The following PEPD variants were observed in gnomAD, a reference collection of about 807,000 sequenced individuals.
PEPD encodes the protein peptidase D.
Under a neutral mutation model 60.7 loss-of-function variants are expected in PEPD, and 53 were observed. The ratio of observed to expected loss-of-function variants is 0.87; its 90% CI spans 0.70 to 1.10. PEPD has a LOEUF of 1.10. Ranked by LOEUF, PEPD falls within the 50% of genes least tolerant of loss-of-function variation. The pLI, the probability that PEPD is intolerant of heterozygous loss-of-function variation, is 0.00. For synonymous variants in PEPD, 267 were observed against 284.1 expected, an observed-to-expected ratio of 0.94 and a Z score of 0.60; for missense variants, 711 against 711.9, an observed-to-expected ratio of 1.00 and a Z score of 0.01.
At chr19:33,448,503 G>A (rs895643968) in intron 9 of PEPD, among the ~76,000 whole-genome samples, 15 of 152,292 alleles carry the variant, frequency 9.8e-5, no homozygotes, top group Admixed American at 9.1e-4. Flanking sequence ...TGGCCAGGTA[G>A]TGGCATGCAA....
intron 9 of PEPD, among the ~76,000 whole-genome samples, chr19:33,430,742 C>T (rs190884578): frequency 6.6e-6 from 1 of 152,266 alleles, no homozygotes; most frequent in East Asian, 1.9e-4. Flanking sequence ...CAGCCTCGCC[C>T]CACTGGCCCC....
At chr19:33,484,357 C>T (rs548967034) in intron 6 of PEPD, among the ~76,000 whole-genome samples, 30 of 152,212 alleles carry the variant, frequency 2.0e-4, no homozygotes, top group Non-Finnish European at 3.7e-4. Context: ...TCTTACTCAA[C>T]GTACGTACGC....
At chr19:33,394,756 G>A (rs906901453) in intron 12 of PEPD, among the ~76,000 whole-genome samples, 1 of 152,138 alleles carries the variant, frequency 6.6e-6, no homozygotes, top group Non-Finnish European at 1.5e-5. Context: ...AGGCACCCCC[G>A]GCCCCTAGCC....
At chr19:33,430,582 G>GT (rs921673203) in intron 9 of PEPD, among the ~76,000 whole-genome samples, 8 of 152,084 alleles carry the variant, frequency 5.3e-5, no homozygotes, top group African/African-American at 1.9e-4. Context: ...GCATCAAAGG[G>GT]TTTTTTTCCT....
intron 4 of PEPD, among the ~76,000 whole-genome samples, chr19:33,498,810 A>G (rs1214144949): frequency 7.0e-6 from 1 of 142,770 alleles, no homozygotes; most frequent in African/African-American, 2.7e-5. Flanking sequence ...ATGCCGCCAG[A>G]GTCCTTGAGA....
At chr19:33,419,281 G>A (rs1288834237) in intron 9 of PEPD, among the ~76,000 whole-genome samples, 3 of 152,218 alleles carry the variant, frequency 2.0e-5, no homozygotes, top group Admixed American at 6.5e-5. Context: ...CTCCTGCCAG[G>A]GAGCCCCACA....
At chr19:33,480,428 T>C (rs1970291886) in intron 6 of PEPD, among the ~76,000 whole-genome samples, 1 of 152,128 alleles carries the variant, frequency 6.6e-6, no homozygotes, top group African/African-American at 2.4e-5. Flanking sequence ...AGAGAGAAAC[T>C]GACAATAGTT....
intron 1 of PEPD, among the ~76,000 whole-genome samples, chr19:33,515,804 C>T (rs1234926100): frequency 6.6e-6 from 1 of 152,130 alleles, no homozygotes; most frequent in African/African-American, 2.4e-5. Flanking sequence ...GGCCACACTC[C>T]TTAATCATAA....
At chr19:33,468,127 T>C (rs959264232) in intron 7 of PEPD, among the ~76,000 whole-genome samples, 1 of 152,140 alleles carries the variant, frequency 6.6e-6, no homozygotes, top group Non-Finnish European at 1.5e-5. Context: ...TCTGTAATAC[T>C]GAGAGACCTG....
intron 9 of PEPD, among the ~76,000 whole-genome samples, chr19:33,430,759 C>T (rs1372920104): frequency 6.6e-6 from 1 of 152,152 alleles, no homozygotes; most frequent in Non-Finnish European, 1.5e-5. Context: ...CCCCAGGGGG[C>T]TTCTTGTCCT....
At chr19:33,478,333 G>T (rs548950929) in intron 6 of PEPD, among the ~76,000 whole-genome samples, 23 of 152,218 alleles carry the variant, frequency 1.5e-4, no homozygotes, top group Non-Finnish European at 3.2e-4. Flanking sequence ...CACCAGCCCT[G>T]ATCCCCACTA....
intron 11 of PEPD, among the ~76,000 whole-genome samples, chr19:33,406,883 T>C (rs1206299337): frequency 1.3e-5 from 2 of 151,750 alleles, no homozygotes; most frequent in Admixed American, 1.3e-4. Context: ...TGGTGGCTGC[T>C]GAGTGTGAGG....
chr19:33,467,189 A>C (rs1259885168), intron 7 of PEPD, among the ~76,000 whole-genome samples: 1 of 151,650 alleles, frequency 6.6e-6, no homozygotes, highest in Non-Finnish European at 1.5e-5. Flanking sequence ...AGAAAGAAAA[A>C]GAAAAACAGT....
intron 5 of PEPD, among the ~76,000 whole-genome samples, chr19:33,492,305 G>A (rs1328388572): frequency 1.3e-5 from 2 of 152,180 alleles, no homozygotes; most frequent in Non-Finnish European, 2.9e-5. Context: ...GCTACCTTGA[G>A]GGCAGACGCC....
intron 12 of PEPD, among the ~76,000 whole-genome samples, chr19:33,396,561 G>A (rs1043364734): frequency 9.2e-5 from 14 of 152,182 alleles, no homozygotes; most frequent in African/African-American, 2.2e-4. Flanking sequence ...AGCCAGGAGC[G>A]GGGGAACGAA....
intron 12 of PEPD, among the ~76,000 whole-genome samples, chr19:33,400,470 G>C (rs1237174469): frequency 6.6e-6 from 1 of 152,262 alleles, no homozygotes; most frequent in African/African-American, 2.4e-5. Context: ...CAAAGATGCA[G>C]AACCTGCGTG....
At chr19:33,413,395 CCA>C (rs1356346888) in intron 10 of PEPD, among the ~76,000 whole-genome samples, 178 bp downstream of exon 10, 5 of 152,210 alleles carry the variant, frequency 3.3e-5, no homozygotes, top group African/African-American at 1.2e-4. Flanking sequence ...CAGGCAGAGG[CCA>C]CCTCAGCTCC....
chr19:33,508,121 C>T (rs897922660), intron 3 of PEPD, among the ~76,000 whole-genome samples: 2 of 152,102 alleles, frequency 1.3e-5, no homozygotes, highest in African/African-American at 2.4e-5. Flanking sequence ...TCTGTCCATC[C>T]CCACATCTCA....
At chr19:33,442,490 G>T (rs1297285368) in intron 9 of PEPD, among the ~76,000 whole-genome samples, 1 of 150,384 alleles carries the variant, frequency 6.6e-6, no homozygotes, top group Non-Finnish European at 1.5e-5. Context: ...CATGAGGTCA[G>T]GAGATCAAGA....
Sources: allele counts gnomAD v4.1 joint callset (sites outside exome capture counted in the v4.1 genomes callset), GRCh38; gene constraint gnomAD v4.1.1; transcripts MANE v1.5; gene names NCBI Gene and HGNC (gene_info 2026-07-23, HGNC 2026-07-21).